Variants in BRD9 observed in about 807,000 individuals in gnomAD.
The protein encoded by BRD9 is bromodomain-containing protein 9.
A neutral mutation model predicts 68.7 loss-of-function variants in BRD9; 47 were observed. The observed-to-expected ratio is 0.68, with a 90% CI of 0.54 to 0.87. The LOEUF (loss-of-function observed/expected upper bound fraction) is 0.87. BRD9 is among the 40% of genes least tolerant of loss of function. The pLI is 0.00. For synonymous variants in BRD9, 313 were observed against 293.9 expected (o/e 1.06, Z -0.67); for missense variants, 670 against 748.4 (o/e 0.90, Z 1.22).
chr5:870,620 A>T, intron 13 of BRD9, 45 bp from the exon 14 acceptor site: 1 of 1,391,622 alleles, frequency 7.2e-7, no homozygotes, highest in Non-Finnish European at 1.0e-6. Flanking sequence ...ACATCAAACG[A>T]AAAACGAAAT....
chr5:888,728 G>A lies in BRD9; in HGVS notation c.606+293C>T, dbSNP rs149498494. 2.1e-3 allele frequency among the ~76,000 whole-genome samples: 325 copies of A among 152,274 alleles called. 2 individuals are homozygous for A. Among genetic ancestry groups the A allele is most frequent in the African/African-American group, 6.7e-3 (279 of 41,540 alleles). ...GTCTAGTCTCAAGCCGTGCCACACC[G>A]GACACCTCACTGCTTGAAACAACAT... On this transcript the variant is annotated intron_variant, in intron 5 of 15. Transcript: ENST00000467963.
chr5:866,870 A>G lies in BRD9; in HGVS notation c.1526-1289T>C, dbSNP rs1749450602. On this transcript the variant is annotated intron_variant, in intron 14 of 15. Transcript: ENST00000467963. ...GGGAAGCAGAGAGTAAAAGTTTGGA[A>G]AATTTGTACCCCTGCCATGTGGTAG... 2.6e-5 allele frequency among the ~76,000 whole-genome samples: 4 copies of G among 152,336 alleles called. No individual in the cohort carries two copies. The South Asian group carries it at 8.3e-4, about 32-fold the overall frequency.
intron 8 of BRD9, chr5:881,620 G>A (rs1751776431): frequency 8.3e-6 from 2 of 240,990 alleles, no homozygotes; most frequent in Non-Finnish European, 1.6e-5. Context: ...GATCCAGGAA[G>A]AGGAGGCACT....
chr5:887,484 C>T lies in BRD9; in HGVS notation c.607-13G>A, dbSNP rs745804490. ...GCTTGAAATCTGCCTGAAAAGAAAACAGGAAAGACTTATCAGGTTTGAAAT... is the reference window on the plus strand; with the variant it reads ...GCTTGAAATCTGCCTGAAAAGAAAATAGGAAAGACTTATCAGGTTTGAAAT... On this transcript the variant is annotated splice_polypyrimidine_tract_variant and intron_variant, in intron 5 of 15. Transcript: ENST00000467963. 1 of 1,596,424 alleles carries T rather than the reference C, an allele frequency of 6.3e-7. No homozygotes were observed.
At chr5:864,642 G>C in intron 15 of BRD9, 74 bp from the exon 16 acceptor site, 3 of 1,373,268 alleles carry the variant, frequency 2.2e-6, no homozygotes, top group African/African-American at 1.4e-5. Context: ...TGGAGCCCAA[G>C]GTCTGCTTCC....
intron 7 of BRD9, among the ~76,000 whole-genome samples, chr5:885,160 G>C (rs970014532): frequency 6.6e-6 from 1 of 152,262 alleles, no homozygotes; most frequent in Non-Finnish European, 1.5e-5. Context: ...CAGCACACTC[G>C]AGTCGGGGGC....
intron 15 of BRD9, among the ~76,000 whole-genome samples, chr5:865,164 G>C (rs1379042216): frequency 6.6e-6 from 1 of 152,258 alleles, no homozygotes; most frequent in African/African-American, 2.4e-5. Flanking sequence ...GGGGTGGACA[G>C]AACTGGGGAC....
In BRD9 at chr5:891,175, C is replaced by G. The variant is rs1441866302; in HGVS notation, c.380G>C (p.Arg127Pro). The G allele has an allele frequency of 6.4e-7, 1 of 1,551,458 alleles. No homozygotes were observed. The highest frequency in any genetic ancestry group is 2.0e-5 in the Admixed American group (1 of 50,986). The part of the protein sequence containing the change: ...EVEPPPDRPV[R>P]ACRTQPAENE... ...CTTGCCTGGCTGTGTCCGGCACGCT[C>G]GGACTGGCCGATCTGGGGGCGGCTC... Residue 127 changes from arginine to proline, a missense_variant, in exon 3 of 16, where the codon CGA becomes CCA. Arg to Pro is a moderately radical substitution (Grantham distance 103). This residue lies in a region of BRD9 where 94 missense variants were observed against 157.2 expected (regional missense o/e 0.60). Transcript: ENST00000467963.
Position 892,714 on chromosome 5 carries a change from A to C in BRD9, c.-57T>G, listed in dbSNP as rs370537160. On this transcript the variant is annotated 5_prime_UTR_variant, in exon 1 of 16. Transcript: ENST00000467963. ...CTGGGAACAGCTGGCACCCGGTCGG[A>C]CCTTGGCCGCCACCGCCCCCTGGCC... The C allele has an allele frequency of 1.4e-4, 188 of 1,299,064 alleles. 1 individual carries two copies. The East Asian group carries it at 4.9e-3, about 34-fold the overall frequency. The allele number at this position is 1,299,064 out of a possible 1,614,324, so 80.5% of individuals were successfully genotyped here.
intron 7 of BRD9, 105 bp downstream of exon 7, chr5:886,487 A>T: frequency 9.0e-7 from 1 of 1,113,954 alleles, no homozygotes; most frequent in East Asian, 2.4e-5. Context: ...TCTATGTGAC[A>T]TGACATCCGT....
At chr5:871,451 C>T (rs1211394085) in intron 13 of BRD9, 75 bp downstream of exon 13, 11 of 1,364,510 alleles carry the variant, frequency 8.1e-6, no homozygotes, top group Non-Finnish European at 1.0e-5. Context: ...CACAGACCTC[C>T]CCACCTCAAA....
intron 14 of BRD9, among the ~76,000 whole-genome samples, chr5:867,795 C>T (rs1749570730): frequency 6.6e-6 from 1 of 152,232 alleles, no homozygotes; most frequent in Non-Finnish European, 1.5e-5. Flanking sequence ...TACAGGCTCA[C>T]AGGCAGAAGT....
At position 889,598 on chromosome 5, in the gene BRD9, G is replaced by A; in HGVS notation, c.450C>T (p.Arg150=). 1.2e-6 allele frequency: 2 copies of A among 1,613,796 alleles called. No individual in the cohort carries two copies. Among genetic ancestry groups the A allele is most frequent in the Non-Finnish European group, 1.7e-6 (2 of 1,179,846 alleles). The change falls in exon 4 of 16, where the codon CGC becomes CGT. Residue 150 remains arginine (R), a synonymous_variant. Transcript: ENST00000467963. The part of the protein sequence containing the change: ...PIQQLLEHFL[R]QLQRKDPHGF... ...ACGCCCCGGTTTACCTCTGAAGCTG[G>A]CGGAGGAAGTGTTCCAGGAGTTGCT...
chr5:869,160 C>T (rs750145333), intron 14 of BRD9: 10 of 359,782 alleles, frequency 2.8e-5, no homozygotes, highest in Middle Eastern at 4.0e-4. Context: ...ATGGACTGAA[C>T]GGATTCCCAC....
rs1332938356 is a variant in BRD9 at position 863,999 on chromosome 5, A to G, written c.*469T>C. The G allele has an allele frequency of 6.3e-6, 1 of 157,496 alleles. No individual in the cohort carries two copies. The highest frequency in any genetic ancestry group is 1.4e-5 in the Non-Finnish European group (1 of 70,986). The allele number at this position is 157,496 out of a possible 1,614,324, so 9.8% of individuals were successfully genotyped here. ...GCCTGTGCCTCCCAAGAGCGACCCC[A>G]GGACAGTGGGGCAGACAGAGGTGTC... On this transcript the variant is annotated 3_prime_UTR_variant, in exon 16 of 16. Coordinates refer to ENST00000467963, the MANE Select transcript of BRD9 (RefSeq NM_023924.5).
chr5:874,500 T>C (rs2150573261), intron 12 of BRD9, among the ~76,000 whole-genome samples: 1 of 152,316 alleles, frequency 6.6e-6, no homozygotes, highest in South Asian at 2.1e-4. Flanking sequence ...CAGTGCTTTT[T>C]TATCAGACAG....
At chr5:875,112 C>T (rs1016359974) in intron 12 of BRD9, among the ~76,000 whole-genome samples, 14 of 152,226 alleles carry the variant, frequency 9.2e-5, no homozygotes, top group African/African-American at 2.9e-4. Context: ...AGTTCAAAAG[C>T]TCCTAGAGCA....
intron 14 of BRD9, 161 bp from the exon 15 acceptor site, chr5:865,742 G>A (rs1749291755): frequency 1.3e-6 from 1 of 748,638 alleles, no homozygotes. Flanking sequence ...GGACAGGCCT[G>A]GAGGACAGAC....
intron 11 of BRD9, among the ~76,000 whole-genome samples, chr5:876,915 C>T (rs141391956): frequency 2.6e-5 from 4 of 152,194 alleles, no homozygotes; most frequent in East Asian, 1.9e-4. Context: ...GCACTCGCAG[C>T]GTGCACGGAA....
Sources: gnomAD v4.1 joint callset for allele counts (sites outside exome capture counted in the v4.1 genomes callset) on GRCh38, gnomAD v4.1.1 for gene constraint, gnomAD v4.1.1 regional missense constraint, MANE v1.5 for transcripts, NCBI Gene and HGNC (gene_info 2026-07-23, HGNC 2026-07-21) for gene names.